The following MTX2 variants were observed in gnomAD, a reference collection of about 807,000 sequenced individuals.
MTX2 encodes metaxin-2.
Under a neutral mutation model 42.3 loss-of-function variants are expected in MTX2, and 35 were observed. That is an observed-to-expected ratio of 0.83 (90% CI 0.63 to 1.10). The LOEUF is 1.10. Among genes scored for constraint, MTX2 ranks in the 50% least tolerant of loss-of-function variants. The probability of loss-of-function intolerance (pLI) is 0.00; values close to 1 mark genes in which losing one functional copy is unlikely to be tolerated. For synonymous variants in MTX2, 119 were observed against 100.9 expected, an observed-to-expected ratio of 1.18 and a Z score of -1.08; for missense variants, 307 against 304.1, an observed-to-expected ratio of 1.01 and a Z score of -0.07.
At chr2:176,293,426 C>T (rs1693369432) in intron 1 of MTX2, among the ~76,000 whole-genome samples, 1 of 152,136 alleles carries the variant, frequency 6.6e-6, no homozygotes, top group African/African-American at 2.4e-5. Flanking sequence ...TGCAAATCTC[C>T]TGTTGAAATG....
intron 1 of MTX2, 140 bp downstream of exon 1, chr2:176,269,809 C>A: frequency 9.6e-7 from 1 of 1,037,616 alleles, no homozygotes; most frequent in Non-Finnish European, 1.3e-6. Context: ...GCACGGACTA[C>A]CAACCTTATC....
chr2:176,312,932 T>A (rs992975827), intron 3 of MTX2, among the ~76,000 whole-genome samples: 6 of 151,058 alleles, frequency 4.0e-5, no homozygotes, highest in African/African-American at 1.5e-4. Flanking sequence ...TCTTTTAACA[T>A]CTTTCTAGAA....
At position 176,269,635 on chromosome 2, in the gene MTX2, T is replaced by G; in HGVS notation, c.6T>G (p.Ser2=). 6.3e-7 allele frequency: 1 copy of G among 1,596,558 alleles called. No homozygotes were observed. The highest frequency in any genetic ancestry group is 2.3e-5 in the East Asian group (1 of 44,072). The change falls in exon 1 of 10, where the codon TCT becomes TCG. Residue 2 remains serine, a synonymous_variant. Transcript: ENST00000249442. M[S]LVAEAFVSQI... ...CGCCGGGCCTCCCAGCCGACATGTC[T>G]CTAGTGGCGGAAGCCTTCGTCTCCC...
At chr2:176,296,747 A>G in intron 1 of MTX2, 113 bp from the exon 2 acceptor site, 11 of 1,060,574 alleles carry the variant, frequency 1.0e-5, no homozygotes, top group Non-Finnish European at 1.6e-5. Context: ...GTATAAGTCA[A>G]CCTTAGCAAA....
At chr2:176,316,591 C>T (rs770885817) in intron 3 of MTX2, among the ~76,000 whole-genome samples, 1 of 151,892 alleles carries the variant, frequency 6.6e-6, no homozygotes, top group African/African-American at 2.4e-5. Flanking sequence ...TTAGTTGAGA[C>T]GGGATTTTGC....
At chr2:176,284,996 T>G (rs1347920996) in intron 1 of MTX2, among the ~76,000 whole-genome samples, 1 of 152,094 alleles carries the variant, frequency 6.6e-6, no homozygotes, top group Non-Finnish European at 1.5e-5. Context: ...ACAGGAAGAG[T>G]TGAGAACTAC....
chr2:176,327,929 T>C (rs1413265706), intron 5 of MTX2, among the ~76,000 whole-genome samples: 2 of 151,118 alleles, frequency 1.3e-5, no homozygotes, highest in Non-Finnish European at 3.0e-5. Context: ...AACGTATTTT[T>C]TTCATCTTTG....
At chr2:176,297,956 T>C in intron 3 of MTX2, 61 bp downstream of exon 3, 1 of 1,306,568 alleles carries the variant, frequency 7.7e-7, no homozygotes, top group African/African-American at 1.5e-5. Context: ...TCATTTTGAC[T>C]TGCAGTTATA....
chr2:176,297,350 TAC>T (rs1032748236), intron 2 of MTX2, among the ~76,000 whole-genome samples: 26 of 152,160 alleles, frequency 1.7e-4, no homozygotes, highest in Non-Finnish European at 1.3e-4. Flanking sequence ...AGCAGCCTGC[TAC>T]AGTTGTCAGA....
intron 9 of MTX2, among the ~76,000 whole-genome samples, chr2:176,334,133 T>C (rs559829088): frequency 4.6e-5 from 7 of 151,934 alleles, no homozygotes; most frequent in Admixed American, 2.0e-4. Flanking sequence ...TCTGGAGTTA[T>C]GTGGATATAT....
chr2:176,316,413 T>C (rs1398421664), intron 3 of MTX2, among the ~76,000 whole-genome samples: 2 of 152,118 alleles, frequency 1.3e-5, no homozygotes, highest in African/African-American at 4.8e-5. Flanking sequence ...TTGTTTGGTT[T>C]TTGTTTTGAC....
chr2:176,307,429 A>G (rs910385623), intron 3 of MTX2, among the ~76,000 whole-genome samples: 1 of 152,144 alleles, frequency 6.6e-6, no homozygotes, highest in African/African-American at 2.4e-5. Context: ...GTTTTTTCCA[A>G]TTCTGTGAAA....
At chr2:176,277,898 C>T (rs779379851) in intron 1 of MTX2, among the ~76,000 whole-genome samples, 35 of 151,520 alleles carry the variant, frequency 2.3e-4, no homozygotes, top group South Asian at 2.1e-4. Context: ...CTTGAAGATA[C>T]GAAGCTGAGA....
chr2:176,302,126 G>GT (rs80143449), intron 3 of MTX2, among the ~76,000 whole-genome samples: 5,566 of 125,168 alleles, frequency 0.044, 292 homozygotes, highest in African/African-American at 0.13. Flanking sequence ...AAAAGCTGGT[G>GT]TTTTTTTTTT....
At chr2:176,306,817 G>A (rs750248958) in intron 3 of MTX2, among the ~76,000 whole-genome samples, 9 of 151,996 alleles carry the variant, frequency 5.9e-5, no homozygotes, top group Non-Finnish European at 1.0e-4. Flanking sequence ...GCCCTTTGTC[G>A]GATGGGTAGT....
At chr2:176,307,805 C>T (rs1010486946) in intron 3 of MTX2, among the ~76,000 whole-genome samples, 12 of 152,072 alleles carry the variant, frequency 7.9e-5, no homozygotes, top group African/African-American at 1.2e-4. Flanking sequence ...TGGGCTGAGA[C>T]GATGGGGTTT....
chr2:176,321,450 G>T (rs1028333044), intron 3 of MTX2, among the ~76,000 whole-genome samples: 4 of 152,108 alleles, frequency 2.6e-5, no homozygotes, highest in African/African-American at 9.7e-5. Flanking sequence ...ATTGGATTTG[G>T]CAGTGAGTGA....
chr2:176,287,450 A>G (rs137862228), intron 1 of MTX2, among the ~76,000 whole-genome samples: 2 of 152,300 alleles, frequency 1.3e-5, no homozygotes, highest in Non-Finnish European at 2.9e-5. Flanking sequence ...TGCTCATTGA[A>G]GTGTTTTGGA....
At chr2:176,283,022 A>G (rs550449199) in intron 1 of MTX2, among the ~76,000 whole-genome samples, 6 of 152,188 alleles carry the variant, frequency 3.9e-5, no homozygotes, top group South Asian at 2.1e-4. Context: ...TATTCTTCCA[A>G]TAACCCAACA....
Sources: gnomAD v4.1 joint callset for allele counts (sites outside exome capture counted in the v4.1 genomes callset) on GRCh38, gnomAD v4.1.1 for gene constraint, MANE v1.5 for transcripts, NCBI Gene and HGNC (gene_info 2026-07-23, HGNC 2026-07-21) for gene names.